Variants in ARHGAP29 observed in about 807,000 individuals in gnomAD.
ARHGAP29 encodes Rho GTPase activating protein 29, also known as rho GTPase-activating protein 29.
In ARHGAP29, 43 loss-of-function variants were observed where a neutral mutation model predicts 122.6. The ratio of observed to expected loss-of-function variants is 0.35; its 90% CI spans 0.27 to 0.45. ARHGAP29 has a LOEUF of 0.45. Among genes scored for constraint, ARHGAP29 ranks in the 20% least tolerant of loss-of-function variants. The pLI is 1.00. For missense variants in ARHGAP29, 1,303 were observed against 1,477.2 expected, an observed-to-expected ratio of 0.88 and a Z score of 1.93; for synonymous variants, 506 against 497.1, an observed-to-expected ratio of 1.02 and a Z score of -0.24.
intron 12 of ARHGAP29, chr1:94,190,675 T>C (rs1485036057): frequency 2.0e-5 from 3 of 152,180 alleles, no homozygotes; most frequent in Non-Finnish European, 4.4e-5. Flanking sequence ...GTGTACAATA[T>C]GCCAGACCCA....
chr1:94,203,330 C>T (rs978303530), intron 8 of ARHGAP29, 120 bp from the exon 9 acceptor site: 27 of 602,414 alleles, frequency 4.5e-5, no homozygotes, highest in Non-Finnish European at 7.3e-5. Context: ...AGAAAAATAA[C>T]TAGTCAAAAA....
At chr1:94,208,120 G>A (rs1651335025) in intron 5 of ARHGAP29, among the ~76,000 whole-genome samples, 1 of 152,088 alleles carries the variant, frequency 6.6e-6, no homozygotes, top group Non-Finnish European at 1.5e-5. Context: ...CTATAGGTGT[G>A]TGCCACCACA....
At chr1:94,272,318 T>A in intron 1 of ARHGAP29, among the ~76,000 whole-genome samples, 1 of 152,212 alleles carries the variant, frequency 6.6e-6, no homozygotes, top group East Asian at 1.9e-4. Context: ...TTTTCTAAGA[T>A]TCTCTTCAGG....
At chr1:94,279,951 G>A (rs1002215663), upstream of ARHGAP29, among the ~76,000 whole-genome samples, 26 of 151,830 alleles carry the variant, frequency 1.7e-4, no homozygotes, top group African/African-American at 5.8e-4. Context: ...GTGCCCGCAA[G>A]TTGTTTGTTC....
At chr1:94,309,498 G>A in the ARHGAP29 span, among the ~76,000 whole-genome samples, 4 of 152,150 alleles carry the variant, frequency 2.6e-5, no homozygotes, top group East Asian at 1.9e-4. Flanking sequence ...ACATGTCCCC[G>A]CTTTTTCTAG....
At chr1:94,253,636 ACACGCACGCACGCACG>A (rs66700832) in intron 1 of ARHGAP29, among the ~76,000 whole-genome samples, 5 of 149,228 alleles carry the variant, frequency 3.4e-5, no homozygotes, top group Admixed American at 2.0e-4. Context: ...TCTGGAACAC[ACACGCACGCACGCACG>A]CACGCACGCA....
intron 19 of ARHGAP29, among the ~76,000 whole-genome samples, chr1:94,183,355 A>G (rs1308191269): frequency 6.6e-6 from 1 of 152,106 alleles, no homozygotes; most frequent in Non-Finnish European, 1.5e-5. Flanking sequence ...CTTTTTTTGT[A>G]CGTGTCTCAT....
At chr1:94,254,835 C>T (rs919524695) in intron 1 of ARHGAP29, among the ~76,000 whole-genome samples, 2 of 152,156 alleles carry the variant, frequency 1.3e-5, no homozygotes, top group Non-Finnish European at 2.9e-5. Flanking sequence ...TTTTCTTGAA[C>T]ACCAAGTCAG....
chr1:94,288,328 A>C, the ARHGAP29 span, among the ~76,000 whole-genome samples: 150 of 152,080 alleles, frequency 9.9e-4, no homozygotes, highest in African/African-American at 3.0e-3. Flanking sequence ...TCCTTTGCCC[A>C]CTTTTTGATG....
chr1:94,203,831 G>T, intron 8 of ARHGAP29, 99 bp downstream of exon 8: 3 of 933,290 alleles, frequency 3.2e-6, no homozygotes, highest in Non-Finnish European at 5.0e-6. Flanking sequence ...GCATTTAAGT[G>T]CTTTCCTATA....
At chr1:94,243,878 G>A (rs1187903829) in intron 1 of ARHGAP29, among the ~76,000 whole-genome samples, 1 of 149,992 alleles carries the variant, frequency 6.7e-6, no homozygotes, top group Non-Finnish European at 1.5e-5. Flanking sequence ...AGGATAAAAG[G>A]ATACAAGGGA....
rs1251300341 is a variant in ARHGAP29 at position 94,186,609 on chromosome 1, T to C, written c.1682-12A>G. On this transcript the variant is annotated splice_polypyrimidine_tract_variant and intron_variant, in intron 15 of 22. Coordinates refer to ENST00000260526, the MANE Select transcript of ARHGAP29 (RefSeq NM_004815.4). ...TCGATGAAAGTCTCCTAGAAGAAAA[T>C]TGTGGATACAATTACCTGACCATTC... 6.3e-7 allele frequency: 1 copy of C among 1,591,886 alleles called. No individual in the cohort carries two copies. Among genetic ancestry groups the C allele is most frequent in the Non-Finnish European group, 8.6e-7 (1 of 1,160,468 alleles).
At chr1:94,265,401 A>C (rs1654731841) in intron 1 of ARHGAP29, among the ~76,000 whole-genome samples, 1 of 152,218 alleles carries the variant, frequency 6.6e-6, no homozygotes, top group South Asian at 2.1e-4. Context: ...TGGATAGGAT[A>C]TTTTAACCCC....
At chr1:94,280,011 T>TTTTTCCTGTGATACAGTAC (rs6143326), upstream of ARHGAP29, among the ~76,000 whole-genome samples, 94,869 of 148,484 alleles carry the variant, frequency 0.64, 30,643 homozygotes, top group Middle Eastern at 0.78. Context: ...CTGTACTTGT[T>TTTTTCCTGTGATACAGTAC]TTTTCCTGTG....
Position 94,173,994 on chromosome 1 carries a change from C to A in ARHGAP29, c.3661G>T (p.Gly1221Cys). The change falls in exon 23 of 23, where the codon GGT becomes TGT. Residue 1221 changes from glycine to cysteine, a missense_variant. Around this residue, in one of 3 missense-constraint regions of ARHGAP29, gnomAD observed 620 missense variants for 651.2 expected, o/e 0.95. Transcript: ENST00000260526. ...KASACPGQAT[G>C]QPKEDSEELG... ...TCCTCAGAGTCTTCTTTAGGTTGAC[C>A]AGTTGCTTGCCCAGGACAAGCTGAT... 1.9e-6 allele frequency: 3 copies of A among 1,614,162 alleles called. No homozygotes were observed. The highest frequency in any genetic ancestry group is 2.5e-6 in the Non-Finnish European group (3 of 1,180,032).
chr1:94,297,703 C>T, the ARHGAP29 span, among the ~76,000 whole-genome samples: 1 of 152,166 alleles, frequency 6.6e-6, no homozygotes, highest in Non-Finnish European at 1.5e-5. Flanking sequence ...GAGCTGGGCA[C>T]ATGACATAGA....
intron 12 of ARHGAP29, among the ~76,000 whole-genome samples, chr1:94,199,251 A>T (rs1650686402): frequency 6.6e-6 from 1 of 152,216 alleles, no homozygotes; most frequent in Non-Finnish European, 1.5e-5. Context: ...AAAAAAAGAC[A>T]GCAAGTACTT....
intron 5 of ARHGAP29, among the ~76,000 whole-genome samples, chr1:94,207,850 GT>G (rs1233642739): frequency 6.7e-6 from 1 of 149,184 alleles, no homozygotes; most frequent in Admixed American, 6.7e-5. Context: ...TTTTGTTTTT[GT>G]TTCTTTGTGT....
At position 94,196,541 on chromosome 1, in the gene ARHGAP29, G is replaced by GT. The variant is rs375459723; in HGVS notation, c.1281+5178dup. 2.2e-3 allele frequency among the ~76,000 whole-genome samples: 336 copies of GT among 152,104 alleles called. 1 individual carries two copies. The highest frequency in any genetic ancestry group is 7.9e-3 in the African/African-American group (327 of 41,508). On this transcript the variant is annotated intron_variant, in intron 12 of 22. Coordinates refer to ENST00000260526, the MANE Select transcript of ARHGAP29 (RefSeq NM_004815.4). Reference sequence around the variant, plus strand: ...CTCCCAAAGTGCTGGGATTACAGGCGTGAGCCACCGCGCCCGGCCCCTGTT... The same window carrying GT: ...CTCCCAAAGTGCTGGGATTACAGGCGTTGAGCCACCGCGCCCGGCCCCTGTT...
Sources: gnomAD v4.1 joint callset for allele counts (sites outside exome capture counted in the v4.1 genomes callset) on GRCh38, gnomAD v4.1.1 for gene constraint, gnomAD v4.1.1 regional missense constraint, MANE v1.5 for transcripts, NCBI Gene and HGNC (gene_info 2026-07-23, HGNC 2026-07-21) for gene names.